LIMD1: variants seen among roughly 807,000 people sequenced by gnomAD.
The protein encoded by LIMD1 is LIM domain containing 1, also known as LIM domain-containing protein 1.
LIMD1 carries 23 observed loss-of-function variants against 58.4 expected under a neutral mutation model. That is an observed-to-expected ratio of 0.39 (90% confidence interval 0.28 to 0.56). LIMD1 has a LOEUF of 0.56. Among genes scored for constraint, LIMD1 ranks in the 20% least tolerant of loss-of-function variants. LIMD1 has a pLI of 0.57. For missense variants in LIMD1, 838 were observed against 855.5 expected (o/e 0.98, Z 0.25); for synonymous variants, 334 against 345.5 (o/e 0.97, Z 0.37).
intron 3 of LIMD1, among the ~76,000 whole-genome samples, chr3:45,667,420 A>G (rs1354823219): frequency 6.6e-6 from 1 of 152,078 alleles, no homozygotes; most frequent in East Asian, 1.9e-4. Context: ...GGTGCCAGAC[A>G]ACAGAAACCT....
chr3:45,628,837 G>A (rs1413228340), intron 1 of LIMD1, among the ~76,000 whole-genome samples: 2 of 152,210 alleles, frequency 1.3e-5, no homozygotes, highest in Non-Finnish European at 2.9e-5. Flanking sequence ...AAAGAGGAAT[G>A]AGCTCCTGCT....
chr3:45,601,812 G>A (rs1379040476), intron 1 of LIMD1, among the ~76,000 whole-genome samples: 1 of 152,170 alleles, frequency 6.6e-6, no homozygotes, highest in Non-Finnish European at 1.5e-5. Context: ...GTGGGACTAG[G>A]TGGTCTCTCA....
rs1314720773 is a variant in LIMD1, at chr3:45,654,400, G to A, written c.1511-11250G>A. On this transcript the variant is annotated intron_variant, in intron 2 of 7. Transcript: ENST00000273317. ...GGAAGAGTGGTGAGTATTATTGCACGTTTTAGTTTTGTCAGATTAAATGGC... is the reference window on the plus strand; with the variant it reads ...GGAAGAGTGGTGAGTATTATTGCACATTTTAGTTTTGTCAGATTAAATGGC... Among the ~76,000 whole-genome samples, 7 of 152,110 alleles carry A rather than the reference G, an allele frequency of 4.6e-5. No homozygotes were observed. The East Asian group carries it at 5.8e-4, about 13-fold the overall frequency.
chr3:45,646,029 CAAAAAAAA>C (rs35353411), intron 2 of LIMD1, among the ~76,000 whole-genome samples: 2,888 of 96,890 alleles, frequency 0.03, 39 homozygotes, highest in Middle Eastern at 0.083. Context: ...GACTCTGTCT[CAAAAAAAA>C]AAAAAAAAAA....
intron 2 of LIMD1, among the ~76,000 whole-genome samples, chr3:45,661,032 A>AC (rs1270228453): frequency 1.3e-5 from 2 of 152,094 alleles, no homozygotes; most frequent in African/African-American, 4.8e-5. Flanking sequence ...AAGGATGGGG[A>AC]CCTTCTAGAA....
intron 2 of LIMD1, among the ~76,000 whole-genome samples, chr3:45,654,558 G>T (rs1194330787): frequency 2.0e-5 from 3 of 152,062 alleles, no homozygotes; most frequent in African/African-American, 7.2e-5. Flanking sequence ...CGGCCTGCAG[G>T]TGGCTCACAC....
In LIMD1 at chr3:45,630,711, TG is replaced by T. The variant is rs901022121; in HGVS notation, c.1409-5431del. On this transcript the variant is annotated intron_variant, in intron 1 of 7. Coordinates refer to ENST00000273317, the MANE Select transcript of LIMD1 (RefSeq NM_014240.3). Reference sequence around the variant, plus strand: ...GGTGAGGAAGGAGCTCCCCTCATGATGGGGGGGGTTGGGGGGCATGTGTGGC... The same window carrying T: ...GGTGAGGAAGGAGCTCCCCTCATGATGGGGGGGTTGGGGGGCATGTGTGGC... 1.8e-3 allele frequency among the ~76,000 whole-genome samples: 267 copies of T among 149,406 alleles called. 2 individuals carry two copies. Among genetic ancestry groups the T allele is most frequent in the African/African-American group, 6.1e-3 (246 of 40,258 alleles).
At chr3:45,619,179 A>AT (rs943432125) in intron 1 of LIMD1, among the ~76,000 whole-genome samples, 12 of 151,350 alleles carry the variant, frequency 7.9e-5, no homozygotes, top group African/African-American at 2.7e-4. Context: ...TTTATCTATT[A>AT]TTTTTTTTTC....
chr3:45,635,186 C>T (rs1340135828), intron 1 of LIMD1, among the ~76,000 whole-genome samples: 4 of 151,960 alleles, frequency 2.6e-5, no homozygotes, highest in Admixed American at 6.6e-5. Flanking sequence ...TGCAGTGAGC[C>T]GAGATTGCAC....
At chr3:45,663,253 A>G (rs1274850337) in intron 2 of LIMD1, among the ~76,000 whole-genome samples, 1 of 152,220 alleles carries the variant, frequency 6.6e-6, no homozygotes, top group African/African-American at 2.4e-5. Flanking sequence ...TTCCATAACA[A>G]CGTTGCCGTG....
At position 45,681,329 on chromosome 3, in the gene LIMD1, C is replaced by A. The variant is rs1218403138; in HGVS notation, c.*4270C>A. On this transcript the variant is annotated 3_prime_UTR_variant, in exon 8 of 8. Coordinates refer to ENST00000273317, the MANE Select transcript of LIMD1 (RefSeq NM_014240.3). ...TTTTTTGCTACCTGGACTTTGTCTT[C>A]TTTTACAGCTCTGGATTCTTAAAAG... 6.6e-6 allele frequency: 1 copy of A among 152,150 alleles called. No individual in the cohort carries two copies. The highest frequency in any genetic ancestry group is 1.5e-5 in the Non-Finnish European group (1 of 68,020). The allele number at this position is 152,150 out of a possible 1,614,324, so 9.4% of individuals were successfully genotyped here.
In LIMD1 at chr3:45,595,312, A is replaced by T; in HGVS notation, c.433A>T (p.Ser145Cys). 6.2e-7 allele frequency: 1 copy of T among 1,613,496 alleles called. No individual in the cohort carries two copies. The highest frequency in any genetic ancestry group is 8.5e-7 in the Non-Finnish European group (1 of 1,180,032). Residue 145 changes from serine to cysteine, a missense_variant, in exon 1 of 8, where the codon AGC (serine) becomes TGC (cysteine). This residue lies in a region of LIMD1 where 659 missense variants were observed against 639.8 expected (regional missense o/e 1.03). Transcript: ENST00000273317. ...ATACCTGCATGGCACGAGGCATGGCAGCCAGGACTGTGGTTCCAGGGAGAG... is the reference window on the plus strand; with the variant it reads ...ATACCTGCATGGCACGAGGCATGGCTGCCAGGACTGTGGTTCCAGGGAGAG... ...RPYLHGTRHG[S>C]QDCGSRESLA...
At chr3:45,671,793 G>T (rs185433966) in intron 4 of LIMD1, among the ~76,000 whole-genome samples, 8 of 152,210 alleles carry the variant, frequency 5.3e-5, no homozygotes, top group Admixed American at 5.2e-4. Context: ...TGAAGGTCTG[G>T]GGCCACACAC....
Position 45,595,585 on chromosome 3 carries a change from T to A in LIMD1, c.706T>A (p.Ser236Thr). 6.2e-7 allele frequency: 1 copy of A among 1,613,816 alleles called. No homozygotes were observed. Among genetic ancestry groups the A allele is most frequent in the Middle Eastern group, 1.6e-4 (1 of 6,062 alleles). ...AAATCACCGACAGCTCTCCCTGAGCTCCAGCAGGTCTTCTGAGGGTAGCCT... is the reference window on the plus strand; with the variant it reads ...AAATCACCGACAGCTCTCCCTGAGCACCAGCAGGTCTTCTGAGGGTAGCCT... ...PLNHRQLSLS[S>T]SRSSEGSLGG... The change falls in exon 1 of 8, where the codon TCC becomes ACC. Residue 236 changes from serine (S) to threonine (T), a missense_variant. Physicochemically the swap from Ser to Thr is moderately conservative, Grantham distance 58 (BLOSUM62 1). Coordinates refer to ENST00000273317, the MANE Select transcript of LIMD1 (RefSeq NM_014240.3).
In LIMD1 at chr3:45,683,995, G is replaced by A. The variant is rs1697777590; in HGVS notation, c.*6936G>A. ...TTTTCTTCAGGAATCCCTGAAAGTG[G>A]GGGTTTGCAATTTTCCCTGGATTGA... On this transcript the variant is annotated 3_prime_UTR_variant, in exon 8 of 8. Transcript: ENST00000273317. 6.6e-6 allele frequency: 1 copy of A among 152,076 alleles called. No homozygotes were observed. The highest frequency in any genetic ancestry group is 2.1e-4 in the South Asian group (1 of 4,816). 9.4% of individuals were successfully genotyped at this position (152,076 alleles called of 1,614,324 possible). A position where few individuals can be genotyped will look rare whatever the true frequency, so the allele number is the denominator to read the frequency against.
At chr3:45,604,098 CATT>C (rs1294658832) in intron 1 of LIMD1, among the ~76,000 whole-genome samples, 1 of 152,194 alleles carries the variant, frequency 6.6e-6, no homozygotes. Context: ...TGTAAAAACA[CATT>C]ATGGCATGTT....
Position 45,622,668 on chromosome 3 carries a change from ATTTTTTT to A in LIMD1, c.1409-13469_1409-13463del, listed in dbSNP as rs775471185. Among the ~76,000 whole-genome samples the A allele has an allele frequency of 2.8e-5, 4 of 140,556 alleles. No homozygotes were observed. The East Asian group carries it at 8.2e-4, about 29-fold the overall frequency. 92.2% of individuals were successfully genotyped at this position (140,556 alleles called of 152,430 possible). A position where few individuals can be genotyped will look rare whatever the true frequency, so the allele number is the denominator to read the frequency against. ...AAATAGTGTGAACTTTTTTAAAGGA[ATTTTTTT>A]TTTTTTTTTTTTAAACAGAGTCTCA... On this transcript the variant is annotated intron_variant, in intron 1 of 7. Coordinates refer to ENST00000273317, the MANE Select transcript of LIMD1 (RefSeq NM_014240.3).
chr3:45,595,425 C>T lies in LIMD1; in HGVS notation c.546C>T (p.Asn182=). The T allele has an allele frequency of 6.2e-7, 1 of 1,614,090 alleles. No individual in the cohort carries two copies. Among genetic ancestry groups the T allele is most frequent in the Non-Finnish European group, 8.5e-7 (1 of 1,180,006 alleles). Residue 182 remains asparagine, a synonymous_variant, in exon 1 of 8, where the codon AAC becomes AAT. Coordinates refer to ENST00000273317, the MANE Select transcript of LIMD1 (RefSeq NM_014240.3). ...SCLTHGDYYD[N]LSLASPKWGD... ...TCACTCATGGAGACTATTATGACAA[C>T]CTCTCCTTGGCAAGCCCAAAGTGGG...
intron 1 of LIMD1, among the ~76,000 whole-genome samples, chr3:45,599,326 G>GT (rs1365640324): frequency 5.1e-5 from 1 of 19,516 alleles, no homozygotes; most frequent in Non-Finnish European, 3.8e-3. Context: ...ATTGCTCCCT[G>GT]TTTCCCCCAT....
Sources: gnomAD v4.1 joint callset for allele counts (sites outside exome capture counted in the v4.1 genomes callset) on GRCh38, gnomAD v4.1.1 for gene constraint, gnomAD v4.1.1 regional missense constraint, MANE v1.5 for transcripts, NCBI Gene and HGNC (gene_info 2026-07-23, HGNC 2026-07-21) for gene names.